ADCY8: variants seen among roughly 807,000 people sequenced by gnomAD.
ADCY8 encodes the protein adenylate cyclase type 8.
Under a neutral mutation model 119.7 loss-of-function variants are expected in ADCY8, and 51 were observed. The ratio of observed to expected loss-of-function variants is 0.43; its 90% CI spans 0.34 to 0.54. ADCY8 has a LOEUF of 0.54. Among genes scored for constraint, ADCY8 ranks in the 20% least tolerant of loss-of-function variants. The probability of loss-of-function intolerance (pLI) is 0.03; values close to 1 mark genes in which losing one functional copy is unlikely to be tolerated. For missense variants in ADCY8, 1,383 were observed against 1,598.8 expected, an observed-to-expected ratio of 0.87 and a Z score of 2.30; for synonymous variants, 665 against 651.0, an observed-to-expected ratio of 1.02 and a Z score of -0.33.
chr8:130,815,463 T>C (rs992758444), intron 13 of ADCY8, among the ~76,000 whole-genome samples: 6 of 152,168 alleles, frequency 3.9e-5, no homozygotes. Flanking sequence ...TTAAACAATA[T>C]ACATATATTA....
At chr8:130,832,514 G>C (rs1816869132) in intron 12 of ADCY8, among the ~76,000 whole-genome samples, 1 of 152,162 alleles carries the variant, frequency 6.6e-6, no homozygotes, top group Non-Finnish European at 1.5e-5. Context: ...ACTACCGAGT[G>C]ACTATCGACC....
chr8:130,828,808 T>C (rs1426127710), intron 12 of ADCY8, among the ~76,000 whole-genome samples: 1 of 152,220 alleles, frequency 6.6e-6, no homozygotes. Context: ...AGAATGGTAC[T>C]TACTTAGTAA....
At chr8:130,845,738 T>A (rs1159115129) in intron 11 of ADCY8, among the ~76,000 whole-genome samples, 3 of 152,096 alleles carry the variant, frequency 2.0e-5, no homozygotes, top group Non-Finnish European at 2.9e-5. Context: ...GTCCTGCACA[T>A]CCATTAGTAG....
intron 10 of ADCY8, among the ~76,000 whole-genome samples, chr8:130,849,113 G>A (rs1043960522): frequency 6.6e-6 from 1 of 152,078 alleles, no homozygotes; most frequent in African/African-American, 2.4e-5. Flanking sequence ...TATTAGAGGG[G>A]CGTGGGTCAT....
chr8:130,943,827 T>C (rs1002121463), intron 3 of ADCY8, among the ~76,000 whole-genome samples: 3 of 152,142 alleles, frequency 2.0e-5, no homozygotes, highest in Non-Finnish European at 2.9e-5. Flanking sequence ...TGAACAGCAA[T>C]GCACATGCAA....
At chr8:130,869,510 T>G (rs1411201677) in intron 8 of ADCY8, among the ~76,000 whole-genome samples, 3 of 111,372 alleles carry the variant, frequency 2.7e-5, no homozygotes, top group African/African-American at 1.1e-4. Flanking sequence ...TTTTGTTTAT[T>G]TTTTTTTGTT....
At chr8:130,837,051 T>A (rs1202390850) in intron 11 of ADCY8, among the ~76,000 whole-genome samples, 1 of 152,120 alleles carries the variant, frequency 6.6e-6, no homozygotes, top group Non-Finnish European at 1.5e-5. Context: ...CTTTAATAGA[T>A]CTTCCCTTCA....
In ADCY8 at chr8:130,921,301, A is replaced by T. The variant is rs188545287; in HGVS notation, c.1482-11435T>A. On this transcript the variant is annotated intron_variant, in intron 5 of 17. Transcript: ENST00000286355. ...GGTAGCTAAAAATAAATAAAAAATT[A>T]AAAAAGCTGAAGTTGGTTTAAATAT... is the stretch of plus-strand genomic sequence containing the variant. Among the ~76,000 whole-genome samples the T allele has an allele frequency of 3.8e-3, 574 of 152,250 alleles. 6 individuals carry two copies. Among genetic ancestry groups the T allele is most frequent in the African/African-American group, 0.012 (517 of 41,574 alleles).
At chr8:130,826,778 TGG>T (rs1288081631) in intron 12 of ADCY8, among the ~76,000 whole-genome samples, 2 of 128,266 alleles carry the variant, frequency 1.6e-5, no homozygotes, top group Non-Finnish European at 3.3e-5. Context: ...TGGGGTGGGA[TGG>T]GGTGGGAGGC....
At chr8:130,879,469 G>T (rs1268741114) in intron 8 of ADCY8, among the ~76,000 whole-genome samples, 1 of 152,120 alleles carries the variant, frequency 6.6e-6, no homozygotes, top group African/African-American at 2.4e-5. Context: ...ATGCCAGGCA[G>T]GTGCTGCTTT....
chr8:130,813,873 C>T (rs1290151699), intron 14 of ADCY8, among the ~76,000 whole-genome samples, 196 bp downstream of exon 14: 1 of 152,048 alleles, frequency 6.6e-6, no homozygotes, highest in Non-Finnish European at 1.5e-5. Flanking sequence ...CAATGGAGAC[C>T]TTATTATATC....
At chr8:130,985,942 C>T (rs1252649557) in intron 2 of ADCY8, among the ~76,000 whole-genome samples, 1 of 152,178 alleles carries the variant, frequency 6.6e-6, no homozygotes, top group Non-Finnish European at 1.5e-5. Context: ...GCCCCCAGAG[C>T]TTCTGAGACA....
intron 14 of ADCY8, among the ~76,000 whole-genome samples, chr8:130,808,449 C>T (rs1816050684): frequency 6.6e-6 from 1 of 152,152 alleles, no homozygotes; most frequent in Non-Finnish European, 1.5e-5. Flanking sequence ...GTGCTTTAGG[C>T]TTGATAACGC....
At chr8:130,867,685 G>C (rs762795996) in intron 9 of ADCY8, among the ~76,000 whole-genome samples, 161 bp downstream of exon 9, 8 of 152,206 alleles carry the variant, frequency 5.3e-5, no homozygotes, top group Non-Finnish European at 1.2e-4. Flanking sequence ...TATTAGCAGA[G>C]TAAGACAACC....
chr8:131,035,076 A>T (rs1171103048), intron 1 of ADCY8, among the ~76,000 whole-genome samples: 1 of 152,214 alleles, frequency 6.6e-6, no homozygotes, highest in African/African-American at 2.4e-5. Flanking sequence ...TCATTTTGTA[A>T]TGAATTTCCT....
At chr8:130,951,837 A>G in intron 3 of ADCY8, 31 bp downstream of exon 3, 2 of 1,612,662 alleles carry the variant, frequency 1.2e-6, no homozygotes, top group Non-Finnish European at 1.7e-6. Context: ...GGATCATGCA[A>G]GAGCCGGGGC....
intron 2 of ADCY8, among the ~76,000 whole-genome samples, chr8:130,954,268 G>T (rs1252802102): frequency 1.3e-5 from 2 of 152,206 alleles, no homozygotes; most frequent in Non-Finnish European, 2.9e-5. Context: ...AGATAAAAAG[G>T]TGGTGATGCA....
intron 1 of ADCY8, among the ~76,000 whole-genome samples, chr8:131,011,586 A>G (rs1307492466): frequency 6.6e-6 from 1 of 152,166 alleles, no homozygotes; most frequent in Non-Finnish European, 1.5e-5. Context: ...TTCTAAGGCT[A>G]GCTGTAATCA....
chr8:130,829,201 A>T (rs1309775973), intron 12 of ADCY8, among the ~76,000 whole-genome samples: 1 of 152,184 alleles, frequency 6.6e-6, no homozygotes, highest in Non-Finnish European at 1.5e-5. Flanking sequence ...AGGCAAGCTG[A>T]TCCATCAAGG....
Sources: gnomAD v4.1 joint callset for allele counts (sites outside exome capture counted in the v4.1 genomes callset) on GRCh38, gnomAD v4.1.1 for gene constraint, MANE v1.5 for transcripts, NCBI Gene and HGNC (gene_info 2026-07-23, HGNC 2026-07-21) for gene names.